Variants in CPSF7 observed in about 807,000 individuals in gnomAD.
CPSF7 encodes the protein cleavage and polyadenylation specific factor 7, also known as cleavage and polyadenylation specificity factor subunit 7.
A neutral mutation model predicts 44.3 loss-of-function variants in CPSF7; 1 was observed. The ratio of observed to expected loss-of-function variants is 0.02; its 90% CI spans 0.01 to 0.11. The LOEUF (loss-of-function observed/expected upper bound fraction) is 0.11. Ranked by LOEUF, CPSF7 falls within the 10% of genes least tolerant of loss-of-function variation. CPSF7 has a pLI of 1.00. For missense variants in CPSF7, 443 were observed against 607.2 expected, an observed-to-expected ratio of 0.73 and a Z score of 2.84; for synonymous variants, 202 against 222.0, an observed-to-expected ratio of 0.91 and a Z score of 0.80.
chr11:61,408,962 T>G (rs1859590513), intron 9 of CPSF7, among the ~76,000 whole-genome samples: 1 of 151,476 alleles, frequency 6.6e-6, no homozygotes, highest in Non-Finnish European at 1.5e-5. Context: ...GGGGATCACT[T>G]GAGGCCAGGA....
chr11:61,418,636 A>C (rs1156819647), intron 5 of CPSF7, among the ~76,000 whole-genome samples: 1 of 152,160 alleles, frequency 6.6e-6, no homozygotes, highest in Non-Finnish European at 1.5e-5. Context: ...AAAGTGGCTT[A>C]GTGAGTACAG....
At chr11:61,415,632 AAGG>A (rs1355290737) in intron 7 of CPSF7, 31 bp downstream of exon 7, 1 of 1,364,926 alleles carries the variant, frequency 7.3e-7, no homozygotes, top group East Asian at 2.3e-5. Flanking sequence ...AGTAAAGGTT[AAGG>A]AGAAGGCAGC....
chr11:61,420,398 G>T, intron 4 of CPSF7, 72 bp downstream of exon 4: 1 of 1,399,948 alleles, frequency 7.1e-7, no homozygotes, highest in Non-Finnish European at 1.0e-6. Flanking sequence ...AAAATCCAGG[G>T]CCAAAATATA....
At chr11:61,419,161 T>A (rs1303127848) in intron 5 of CPSF7, among the ~76,000 whole-genome samples, 3 of 152,104 alleles carry the variant, frequency 2.0e-5, no homozygotes, top group African/African-American at 7.2e-5. Flanking sequence ...TAGCTGGGAT[T>A]ACAGGCATGT....
chr11:61,420,665 TC>T, intron 3 of CPSF7, 92 bp from the exon 4 acceptor site: 5 of 951,632 alleles, frequency 5.3e-6, no homozygotes, highest in Non-Finnish European at 6.7e-6. Flanking sequence ...CACAACTAAG[TC>T]CCCCCAGAGG....
chr11:61,409,329 G>A (rs761635927), intron 9 of CPSF7, among the ~76,000 whole-genome samples: 26 of 151,764 alleles, frequency 1.7e-4, no homozygotes, highest in African/African-American at 4.1e-4. Context: ...AAAATTAGCC[G>A]GGCGTGGTGG....
intron 8 of CPSF7, 117 bp from the exon 9 acceptor site, chr11:61,411,222 G>T: frequency 2.0e-6 from 2 of 1,020,824 alleles, no homozygotes; most frequent in Non-Finnish European, 2.8e-6. Flanking sequence ...TCTATCATGG[G>T]CCTGCTGTCT....
At position 61,402,939 on chromosome 11, in the gene CPSF7, TA is replaced by T. The variant is rs1722694327; in HGVS notation, c.*1770del. On this transcript the variant is annotated 3_prime_UTR_variant, in exon 10 of 10. Coordinates refer to ENST00000439958, the MANE Select transcript of CPSF7 (RefSeq NM_001142565.3). ...TTCTCCGGGTAAACGGCATTTCTGG[TA>T]TTCTATATATATTTTTCCTTAAACT... 2 of 152,128 alleles carry T rather than the reference TA, an allele frequency of 1.3e-5. No homozygotes were observed. The allele number at this position is 152,128 out of a possible 1,614,324, so 9.4% of individuals were successfully genotyped here.
chr11:61,408,096 G>A (rs1296596741), intron 9 of CPSF7, among the ~76,000 whole-genome samples: 1 of 141,602 alleles, frequency 7.1e-6, no homozygotes, highest in Non-Finnish European at 1.5e-5. Flanking sequence ...TCACTCTGTC[G>A]CCCAGGCTGG....
At chr11:61,415,463 G>A (rs1378733651) in intron 7 of CPSF7, among the ~76,000 whole-genome samples, 1 of 152,162 alleles carries the variant, frequency 6.6e-6, no homozygotes, top group Non-Finnish European at 1.5e-5. Context: ...CATGAGGGCA[G>A]GCCTAGATAC....
rs1268479036 is a variant in CPSF7 at position 61,404,596 on chromosome 11, T to G, written c.*114A>C. On this transcript the variant is annotated 3_prime_UTR_variant, in exon 10 of 10. Transcript: ENST00000439958. The stretch of plus-strand genomic sequence containing the variant: ...TATTCCCTGGGTGTCTGGAGGGAGT[T>G]AGGGGTTTGGAGGAAAGGGAAGGGG... 6.6e-6 allele frequency: 1 copy of G among 151,766 alleles called. No homozygotes were observed. The highest frequency in any genetic ancestry group is 1.9e-4 in the East Asian group (1 of 5,160). The allele number at this position is 151,766 out of a possible 1,614,324, so 9.4% of individuals were successfully genotyped here. A position where few individuals can be genotyped will look rare whatever the true frequency, so the allele number is the denominator to read the frequency against.
intron 7 of CPSF7, among the ~76,000 whole-genome samples, chr11:61,414,678 T>C (rs1860153196): frequency 6.6e-6 from 1 of 152,200 alleles, no homozygotes; most frequent in African/African-American, 2.4e-5. Flanking sequence ...AGGAAGGAAG[T>C]GAATATGGCT....
Position 61,429,302 on chromosome 11 carries a change from G to C in CPSF7, c.-55-12C>G, listed in dbSNP as rs765882234. On this transcript the variant is annotated splice_polypyrimidine_tract_variant and intron_variant, in intron 1 of 9. Transcript: ENST00000439958. ...TAAGGAAGATGCCACTGCGGGATTCGGAAAAATGCAAGAATTAGAAGGCAC... is the reference window on the plus strand; with the variant it reads ...TAAGGAAGATGCCACTGCGGGATTCCGAAAAATGCAAGAATTAGAAGGCAC... 1.9e-6 allele frequency: 3 copies of C among 1,542,940 alleles called. No homozygotes were observed. The highest frequency in any genetic ancestry group is 4.5e-5 in the East Asian group (2 of 44,506).
At chr11:61,405,378 G>A (rs534240895) in intron 9 of CPSF7, among the ~76,000 whole-genome samples, 193 of 152,214 alleles carry the variant, frequency 1.3e-3, no homozygotes, top group African/African-American at 4.5e-3. Context: ...GTCTTTCCTC[G>A]CATGACAGCC....
chr11:61,420,625 C>T, intron 3 of CPSF7, 52 bp from the exon 4 acceptor site: 1 of 1,378,026 alleles, frequency 7.3e-7, no homozygotes. Context: ...ACACCCCCGC[C>T]CGCCAATGTC....
rs2135434133 is a variant in CPSF7, at chr11:61,429,919, A to G, written c.-61T>C. 6.8e-7 allele frequency: 1 copy of G among 1,477,978 alleles called. No homozygotes were observed. The highest frequency in any genetic ancestry group is 9.1e-7 in the Non-Finnish European group (1 of 1,104,052). The allele number at this position is 1,477,978 out of a possible 1,614,324, so 91.6% of individuals were successfully genotyped here. ...CGACCGCGCGCCCCCGTTACCGGGA[A>G]TATGGCGGCGGCGGCGGCGAGTCCG... is the stretch of plus-strand genomic sequence containing the variant. On this transcript the variant is annotated 5_prime_UTR_variant, in exon 1 of 10. Coordinates refer to ENST00000439958, the MANE Select transcript of CPSF7 (RefSeq NM_001142565.3).
chr11:61,429,242 G>A lies in CPSF7; in HGVS notation c.-7C>T, dbSNP rs1293399625. ...AGTCCACTCCTTCTGACATGGCTCCGGAAGGAAGATCGCGAGTCCGGAGGA... is the reference window on the plus strand; with the variant it reads ...AGTCCACTCCTTCTGACATGGCTCCAGAAGGAAGATCGCGAGTCCGGAGGA... On this transcript the variant is annotated 5_prime_UTR_variant, in exon 2 of 10. Coordinates refer to ENST00000439958, the MANE Select transcript of CPSF7 (RefSeq NM_001142565.3). 14 of 1,613,592 alleles carry A rather than the reference G, an allele frequency of 8.7e-6. No homozygotes were observed. Among genetic ancestry groups the A allele is most frequent in the Non-Finnish European group, 1.2e-5 (14 of 1,179,688 alleles).
At chr11:61,405,527 T>C (rs1454283319) in intron 9 of CPSF7, among the ~76,000 whole-genome samples, 1 of 152,178 alleles carries the variant, frequency 6.6e-6, no homozygotes, top group African/African-American at 2.4e-5. Flanking sequence ...ACCTGTCACA[T>C]GGCCACCAAA....
intron 1 of CPSF7, 29 bp downstream of exon 1, chr11:61,429,885 A>C: frequency 6.6e-7 from 1 of 1,525,484 alleles, no homozygotes; most frequent in Non-Finnish European, 8.8e-7. Flanking sequence ...TTCCGGCCCA[A>C]CCTGCCCCCG....
Sources: gnomAD v4.1 joint callset for allele counts (sites outside exome capture counted in the v4.1 genomes callset) on GRCh38, gnomAD v4.1.1 for gene constraint, MANE v1.5 for transcripts, NCBI Gene and HGNC (gene_info 2026-07-23, HGNC 2026-07-21) for gene names.